The following TEX15 variants were observed in gnomAD, a reference collection of about 807,000 sequenced individuals.
TEX15 encodes the protein testis expressed 15, meiosis and synapsis associated.
In TEX15, 171 loss-of-function variants were observed where a neutral mutation model predicts 237.3. The observed-to-expected ratio is 0.72, with a 90% CI of 0.64 to 0.82. The LOEUF (loss-of-function observed/expected upper bound fraction) is 0.82. Among genes scored for constraint, TEX15 ranks in the 40% least tolerant of loss-of-function variants. The pLI, the probability that TEX15 is intolerant of heterozygous loss-of-function variation, is 0.00. For missense variants in TEX15, 3,750 were observed against 3,646.5 expected (o/e 1.03, Z -0.73); for synonymous variants, 1,338 against 1,269.8 (o/e 1.05, Z -1.14).
intron 4 of TEX15, among the ~76,000 whole-genome samples, chr8:30,868,006 T>C (rs755145109): frequency 5.9e-5 from 9 of 152,048 alleles, no homozygotes; most frequent in Non-Finnish European, 1.0e-4. Context: ...ATGCATTTTC[T>C]AAACAAAGTA....
Position 30,847,637 on chromosome 8 carries a change from G to T in TEX15, c.2530C>A (p.Gln844Lys), listed in dbSNP as rs763917699. The T allele has an allele frequency of 1.2e-6, 2 of 1,613,504 alleles. No individual in the cohort carries two copies. The highest frequency in any genetic ancestry group is 1.7e-6 in the Non-Finnish European group (2 of 1,179,828). The change falls in exon 8 of 11, where the codon CAG (glutamine) becomes AAG (lysine). Residue 844 changes from glutamine to lysine, a missense_variant. Coordinates refer to ENST00000643185, the MANE Select transcript of TEX15 (RefSeq NM_001350162.2). ...TTCAGCCATATATCATTGCTTAACT[G>T]TGAATTACAGAACAGATTGTGATCC... ...GQDHNLFCNS[Q>K]LSNDIWLNVN...
chr8:30,856,460 G>A (rs1191582267), intron 7 of TEX15, among the ~76,000 whole-genome samples: 2 of 152,000 alleles, frequency 1.3e-5, no homozygotes, highest in Non-Finnish European at 2.9e-5. Context: ...AGGTGGAGAC[G>A]GGAGGATTGC....
chr8:30,912,892 C>T lies in TEX15; in HGVS notation c.-99G>A, dbSNP rs1329802670. ...TTCCCCACAAACCTTGAGCTGTCTT[C>T]TTTGCTCAGTCAGTTCCTCAGACTC... On this transcript the variant is annotated 5_prime_UTR_variant, in exon 1 of 11. Transcript: ENST00000643185. 6.6e-6 allele frequency: 1 copy of T among 152,364 alleles called. No homozygotes were observed. The highest frequency in any genetic ancestry group is 1.5e-5 in the Non-Finnish European group (1 of 68,160). The allele number at this position is 152,364 out of a possible 1,614,324, so 9.4% of individuals were successfully genotyped here.
intron 3 of TEX15, among the ~76,000 whole-genome samples, chr8:30,881,862 A>T (rs1184415152): frequency 4.6e-5 from 7 of 151,934 alleles, no homozygotes; most frequent in Non-Finnish European, 1.0e-4. Context: ...AACTCAGGCA[A>T]TCCACCTGCC....
rs1173578997 is a variant in TEX15 at position 30,837,427 on chromosome 8, T to C, written c.8857A>G (p.Lys2953Glu). Residue 2953 changes from lysine (K) to glutamate (E), a missense_variant, in exon 10 of 11, where the codon AAA becomes GAA. Transcript: ENST00000643185. ...QNKIPTLQIN[K>E]LQPTETESED... ...GACTCAGTTTCTGTAGGCTGTAGTT[T>C]GTTTATCTGCAGAGTAGGAATTTTG... The C allele has an allele frequency of 1.2e-6, 2 of 1,614,054 alleles. No homozygotes were observed. Among genetic ancestry groups the C allele is most frequent in the Non-Finnish European group, 1.7e-6 (2 of 1,180,020 alleles).
chr8:30,842,753 G>A lies in TEX15; in HGVS notation c.7414C>T (p.Arg2472Ter). ...IAKKLDKQRF[R>*]GMLWFDLSLL... ...GACAAATCAAACCAAAGCATACCTCGAAACCTCTGTTTGTCTAGTTTCTTT... is the reference window on the plus strand; with the variant it reads ...GACAAATCAAACCAAAGCATACCTCAAAACCTCTGTTTGTCTAGTTTCTTT... The change falls in exon 8 of 11, where the codon CGA (arginine) becomes TGA (stop). Residue 2472 changes from arginine to a stop codon, truncating the protein, a stop_gained. Coordinates refer to ENST00000643185, the MANE Select transcript of TEX15 (RefSeq NM_001350162.2). LOFTEE classifies it high-confidence loss of function. 2.5e-6 allele frequency: 4 copies of A among 1,613,394 alleles called. No individual in the cohort carries two copies. Among genetic ancestry groups the A allele is most frequent in the African/African-American group, 2.7e-5 (2 of 74,992 alleles).
chr8:30,900,355 G>C (rs1231205609), intron 1 of TEX15, among the ~76,000 whole-genome samples: 1 of 152,182 alleles, frequency 6.6e-6, no homozygotes, highest in East Asian at 1.9e-4. Context: ...TTGGGAACCA[G>C]AAATTCTGAG....
chr8:30,858,254 G>A (rs919804854), intron 7 of TEX15, among the ~76,000 whole-genome samples: 5 of 151,812 alleles, frequency 3.3e-5, no homozygotes, highest in Non-Finnish European at 7.4e-5. Flanking sequence ...TCTATAAAAT[G>A]TAAAACAGGT....
intron 8 of TEX15, among the ~76,000 whole-genome samples, chr8:30,840,211 T>G (rs965949512): frequency 6.6e-6 from 1 of 152,090 alleles, no homozygotes; most frequent in African/African-American, 2.4e-5. Flanking sequence ...CTTTTTTTTT[T>G]TTGAGATGGA....
intron 9 of TEX15, among the ~76,000 whole-genome samples, chr8:30,838,707 C>T (rs1443848704): frequency 6.8e-6 from 1 of 146,744 alleles, no homozygotes; most frequent in Admixed American, 6.8e-5. Flanking sequence ...TACACACACA[C>T]ACACACACAC....
chr8:30,864,969 A>G (rs2128771395), intron 5 of TEX15, among the ~76,000 whole-genome samples: 1 of 152,246 alleles, frequency 6.6e-6, no homozygotes, highest in East Asian at 1.9e-4. Flanking sequence ...GTAACCAAAA[A>G]GCAGAAATAC....
At chr8:30,908,297 C>T (rs184723336) in intron 1 of TEX15, among the ~76,000 whole-genome samples, 114 of 152,130 alleles carry the variant, frequency 7.5e-4, no homozygotes, top group African/African-American at 2.6e-3. Flanking sequence ...TGGACTCAAG[C>T]GATCCTCCTG....
rs1481404866 is a variant in TEX15, at chr8:30,846,300, G to T, written c.3867C>A (p.Thr1289=). Residue 1289 remains threonine (T), a synonymous_variant, in exon 8 of 11, where the codon ACC becomes ACA. Transcript: ENST00000643185. ...TTGATTCTACCTCCTTTTTATTTTT[G>T]GTATCATTATAGTCAGTTTTTGATT... ...FTKSKTDYND[T]KNKKEVESRI... 1 of 1,612,682 alleles carries T rather than the reference G, an allele frequency of 6.2e-7. No individual in the cohort carries two copies. Among genetic ancestry groups the T allele is most frequent in the South Asian group, 1.1e-5 (1 of 91,024 alleles).
At chr8:30,866,311 C>G (rs323367) in intron 5 of TEX15, among the ~76,000 whole-genome samples, 52,723 of 145,560 alleles carry the variant, frequency 0.36, 14,002 homozygotes, top group African/African-American at 0.75. Flanking sequence ...GGAGAAAAGG[C>G]AGAAAGGACA....
At chr8:30,864,142 A>C (rs762783340) in intron 5 of TEX15, among the ~76,000 whole-genome samples, 2 of 152,098 alleles carry the variant, frequency 1.3e-5, no homozygotes, top group Non-Finnish European at 2.9e-5. Flanking sequence ...AAGAAATCCA[A>C]TAGCTGAAAA....
chr8:30,912,422 T>G (rs1370397240), intron 1 of TEX15, among the ~76,000 whole-genome samples: 1 of 150,882 alleles, frequency 6.6e-6, no homozygotes, highest in East Asian at 2.0e-4. Context: ...CGCGCTGCCT[T>G]CTGCTGACTA....
chr8:30,882,098 C>T (rs1172745976), intron 3 of TEX15, among the ~76,000 whole-genome samples: 5 of 152,136 alleles, frequency 3.3e-5, no homozygotes, highest in Non-Finnish European at 5.9e-5. Context: ...CCTTTAAAAT[C>T]CCATGACTAT....
chr8:30,881,077 T>A (rs1051107593), intron 3 of TEX15, among the ~76,000 whole-genome samples: 10 of 152,180 alleles, frequency 6.6e-5, no homozygotes, highest in Non-Finnish European at 1.3e-4. Context: ...TTATGTTGAA[T>A]AAGAGTGGTG....
At chr8:30,909,087 G>C (rs1295424784) in intron 1 of TEX15, among the ~76,000 whole-genome samples, 1 of 151,946 alleles carries the variant, frequency 6.6e-6, no homozygotes, top group African/African-American at 2.4e-5. Flanking sequence ...TTCCCCCCTT[G>C]AGGCATATTA....
Sources: gnomAD v4.1 joint callset for allele counts (sites outside exome capture counted in the v4.1 genomes callset) on GRCh38, gnomAD v4.1.1 for gene constraint, MANE v1.5 for transcripts, NCBI Gene and HGNC (gene_info 2026-07-23, HGNC 2026-07-21) for gene names.